FGF10: variants seen among roughly 807,000 people sequenced by gnomAD.
FGF10 encodes FGF-10.
Under a neutral mutation model 19.8 loss-of-function variants are expected in FGF10, and 2 were observed. That is an observed-to-expected ratio of 0.10 (90% CI 0.04 to 0.32). The LOEUF (loss-of-function observed/expected upper bound fraction) is 0.32, where lower values mean the gene tolerates loss of function less well. FGF10 is among the 10% of genes least tolerant of loss of function. The probability of loss-of-function intolerance (pLI) is 1.00; values close to 1 mark genes in which losing one functional copy is unlikely to be tolerated. For missense variants in FGF10, 191 were observed against 246.3 expected, an observed-to-expected ratio of 0.78 and a Z score of 1.50; for synonymous variants, 112 against 94.0, an observed-to-expected ratio of 1.19 and a Z score of -1.10.
chr5:44,344,768 G>C (rs1405523875), intron 1 of FGF10, among the ~76,000 whole-genome samples: 2 of 151,706 alleles, frequency 1.3e-5, no homozygotes, highest in Non-Finnish European at 2.9e-5. Context: ...TATGTACTGG[G>C]TCAGTGGTTT....
rs1740187119 is a variant in FGF10, at chr5:44,310,507, C to T, written c.349G>A (p.Glu117Lys). ...GCTTTGACGGCAACAACTCCGATTT[C>T]TACTGATGTTATCTCCAGGATGCCT... is the stretch of plus-strand genomic sequence containing the variant. ...PYSILEITSV[E>K]IGVVAVKAIN... is the part of the protein sequence containing the mutation. The change falls in exon 2 of 3, where the codon GAA becomes AAA. Residue 117 changes from glutamate to lysine, a missense_variant. Around this residue, in one of 2 missense-constraint regions of FGF10, gnomAD observed 99 missense variants for 161.7 expected, o/e 0.61. Transcript: ENST00000264664. 1 of 1,611,810 alleles carries T rather than the reference C, an allele frequency of 6.2e-7. No individual in the cohort carries two copies. The highest frequency in any genetic ancestry group is 8.5e-7 in the Non-Finnish European group (1 of 1,178,360).
chr5:44,317,559 T>C (rs1199088164), intron 1 of FGF10, among the ~76,000 whole-genome samples: 1 of 152,160 alleles, frequency 6.6e-6, no homozygotes, highest in Non-Finnish European at 1.5e-5. Flanking sequence ...GGTAAATTAA[T>C]TGTTAAAGTG....
rs1006162062 is a variant in FGF10 at position 44,332,592 on chromosome 5, T to C, written c.326-22062A>G. On this transcript the variant is annotated intron_variant, in intron 1 of 2. Coordinates refer to ENST00000264664, the MANE Select transcript of FGF10 (RefSeq NM_004465.2). ...CTAGTGGATAAAACCATATCTTCCCTAGAGTAGTTAACAAGTTTGGTTAAA... is the reference window on the plus strand; with the variant it reads ...CTAGTGGATAAAACCATATCTTCCCCAGAGTAGTTAACAAGTTTGGTTAAA... 2.6e-5 allele frequency among the ~76,000 whole-genome samples: 4 copies of C among 152,116 alleles called. No individual in the cohort carries two copies. In the East Asian group the frequency reaches 7.7e-4, roughly 29 times the overall value.
At chr5:44,371,590 G>A (rs1741743018) in intron 1 of FGF10, among the ~76,000 whole-genome samples, 1 of 152,132 alleles carries the variant, frequency 6.6e-6, no homozygotes, top group Non-Finnish European at 1.5e-5. Flanking sequence ...AAGTCAGATT[G>A]AATGTATCGC....
At position 44,301,817 on chromosome 5, in the gene FGF10, TAG is replaced by T. The variant is rs1310590021; in HGVS notation, c.*3176_*3177del. On this transcript the variant is annotated 3_prime_UTR_variant, in exon 3 of 3. Coordinates refer to ENST00000264664, the MANE Select transcript of FGF10 (RefSeq NM_004465.2). The stretch of plus-strand genomic sequence containing the variant: ...TTGAGCTTCTCTCTTTATTACCAGG[TAG>T]AGTTTCTGACTAATAAAACAAACAA... Among the ~76,000 whole-genome samples the T allele has an allele frequency of 6.6e-6, 1 of 152,194 alleles. No individual in the cohort carries two copies. Among genetic ancestry groups the T allele is most frequent in the African/African-American group, 2.4e-5 (1 of 41,446 alleles).
intron 1 of FGF10, among the ~76,000 whole-genome samples, chr5:44,344,566 C>CTGTGTGTG (rs1455840251): frequency 3.1e-4 from 5 of 16,060 alleles, no homozygotes; most frequent in East Asian, 3.2e-3. Context: ...GTTTTGTTTT[C>CTGTGTGTG]TCTGTGTGTG....
At chr5:44,343,541 A>G (rs1741017527) in intron 1 of FGF10, among the ~76,000 whole-genome samples, 2 of 152,136 alleles carry the variant, frequency 1.3e-5, no homozygotes, top group Admixed American at 1.3e-4. Context: ...TACAAGTAGT[A>G]TGAAATAACA....
chr5:44,355,315 A>T (rs1300835758), intron 1 of FGF10, among the ~76,000 whole-genome samples: 3 of 151,328 alleles, frequency 2.0e-5, no homozygotes, highest in Non-Finnish European at 4.4e-5. Context: ...TATAAAGTCA[A>T]ATTATATTCC....
chr5:44,349,447 T>TATATCAGA (rs1554038130), intron 1 of FGF10, among the ~76,000 whole-genome samples: 1,001 of 15,442 alleles, frequency 0.065, 28 homozygotes, highest in Non-Finnish European at 0.12. Flanking sequence ...TATATATATA[T>TATATCAGA]ATATATATAT....
chr5:44,347,980 C>T (rs1228761821), intron 1 of FGF10, among the ~76,000 whole-genome samples: 1 of 151,660 alleles, frequency 6.6e-6, no homozygotes, highest in Admixed American at 6.6e-5. Flanking sequence ...AGGAGTCTTA[C>T]ACACAATCCC....
chr5:44,382,708 T>C (rs1039677154), intron 1 of FGF10, among the ~76,000 whole-genome samples: 3 of 152,160 alleles, frequency 2.0e-5, no homozygotes, highest in Non-Finnish European at 4.4e-5. Context: ...TCTGCATAAA[T>C]GACTTGAGAC....
At chr5:44,319,879 G>C (rs1740443267) in intron 1 of FGF10, among the ~76,000 whole-genome samples, 1 of 152,132 alleles carries the variant, frequency 6.6e-6, no homozygotes, top group Non-Finnish European at 1.5e-5. Context: ...ACTGGTCCAT[G>C]GCCTGGTAGG....
chr5:44,372,736 G>A (rs1376369743), intron 1 of FGF10, among the ~76,000 whole-genome samples: 2 of 152,190 alleles, frequency 1.3e-5, no homozygotes, highest in African/African-American at 4.8e-5. Flanking sequence ...GGTAGAACAA[G>A]CGTAGTATAA....
intron 1 of FGF10, among the ~76,000 whole-genome samples, chr5:44,359,754 T>C (rs1451811166): frequency 6.6e-6 from 1 of 151,434 alleles, no homozygotes; most frequent in Non-Finnish European, 1.5e-5. Flanking sequence ...GTTACATGTG[T>C]AATGGTCAAG....
chr5:44,383,397 T>C (rs1742027250), intron 1 of FGF10, among the ~76,000 whole-genome samples: 1 of 152,130 alleles, frequency 6.6e-6, no homozygotes, highest in African/African-American at 2.4e-5. Context: ...CTACTTCTTT[T>C]TCTTTTGTTA....
chr5:44,383,260 C>T (rs77615479), intron 1 of FGF10, among the ~76,000 whole-genome samples: 2,642 of 151,016 alleles, frequency 0.017, 98 homozygotes, highest in African/African-American at 0.063. Context: ...TCATGTTCTA[C>T]TATCAGTTCT....
intron 1 of FGF10, among the ~76,000 whole-genome samples, chr5:44,311,311 A>G (rs1458180074): frequency 1.3e-5 from 2 of 152,136 alleles, no homozygotes; most frequent in Non-Finnish European, 1.5e-5. Context: ...GTAGATCACA[A>G]TAGGGAAGTC....
chr5:44,303,992 G>A lies in FGF10; in HGVS notation c.*1003C>T, dbSNP rs1169630923. The A allele has an allele frequency of 6.6e-6, 1 of 152,050 alleles. No homozygotes were observed. Among genetic ancestry groups the A allele is most frequent in the African/African-American group, 2.4e-5 (1 of 41,394 alleles). 9.4% of individuals were successfully genotyped at this position (152,050 alleles called of 1,614,324 possible). A position where few individuals can be genotyped will look rare whatever the true frequency, so the allele number is the denominator to read the frequency against. On this transcript the variant is annotated 3_prime_UTR_variant, in exon 3 of 3. Transcript: ENST00000264664. ...ATTTTCCTTTTTTTAGTATATTCTT[G>A]GAGGCAAACTGATGTATTGAAAGAG...
At chr5:44,350,041 AACAC>A (rs542380779) in intron 1 of FGF10, among the ~76,000 whole-genome samples, 1 of 150,360 alleles carries the variant, frequency 6.7e-6, no homozygotes, top group African/African-American at 2.4e-5. Context: ...AAATTAAACA[AACAC>A]ACACACACAC....
Sources: allele counts gnomAD v4.1 joint callset (sites outside exome capture counted in the v4.1 genomes callset), GRCh38; gene constraint gnomAD v4.1.1; regional missense constraint gnomAD v4.1.1; transcripts MANE v1.5; gene names NCBI Gene and HGNC (gene_info 2026-07-23, HGNC 2026-07-21).